The following ZCCHC7 variants were observed in gnomAD, a reference collection of about 807,000 sequenced individuals.
ZCCHC7 encodes zinc finger CCHC-type containing 7, also known as zinc finger CCHC domain-containing protein 7.
Under a neutral mutation model 52.0 loss-of-function variants are expected in ZCCHC7, and 35 were observed. That is an observed-to-expected ratio of 0.67 (90% CI 0.51 to 0.89). The LOEUF (loss-of-function observed/expected upper bound fraction) is 0.89. Among genes scored for constraint, ZCCHC7 ranks in the 40% least tolerant of loss-of-function variants. The pLI is 0.00. For missense variants in ZCCHC7, 574 were observed against 649.1 expected, an observed-to-expected ratio of 0.88 and a Z score of 1.26; for synonymous variants, 217 against 221.5, an observed-to-expected ratio of 0.98 and a Z score of 0.18.
At position 37,302,377 on chromosome 9, in the gene ZCCHC7, A is replaced by G. The variant is rs74529551; in HGVS notation, c.654+146A>G. 0.015 allele frequency: 9,495 copies of G among 649,078 alleles called. 632 individuals are homozygous for G. In the African/African-American group the frequency reaches 0.15, roughly 10 times the overall value. The allele number at this position is 649,078 out of a possible 1,614,324, so 40.2% of individuals were successfully genotyped here. On this transcript the variant is annotated intron_variant, in intron 3 of 8. Coordinates refer to ENST00000336755, the MANE Select transcript of ZCCHC7 (RefSeq NM_032226.3). Reference sequence around the variant, plus strand: ...ATATGAGTGATTTAACTCTTCAGAAACTTGGTTCAGCCTTGAGTTTTGTCA... The same window carrying G: ...ATATGAGTGATTTAACTCTTCAGAAGCTTGGTTCAGCCTTGAGTTTTGTCA...
chr9:37,227,128 T>A (rs6476620), intron 2 of ZCCHC7, among the ~76,000 whole-genome samples: 1 of 152,010 alleles, frequency 6.6e-6, no homozygotes, highest in Non-Finnish European at 1.5e-5. Flanking sequence ...AATATAAAAT[T>A]TGGACTTAAT....
At chr9:37,311,707 GGCCTT>G (rs1341284067) in intron 5 of ZCCHC7, among the ~76,000 whole-genome samples, 26 of 152,202 alleles carry the variant, frequency 1.7e-4, no homozygotes, top group African/African-American at 6.3e-4. Context: ...TACTGCGCCC[GGCCTT>G]TTTACTTTTT....
chr9:37,339,449 C>T (rs996332512), intron 6 of ZCCHC7, among the ~76,000 whole-genome samples: 3 of 152,168 alleles, frequency 2.0e-5, no homozygotes, highest in African/African-American at 7.2e-5. Flanking sequence ...CTCACAGCCT[C>T]TGCTTTGGTT....
chr9:37,290,232 T>C (rs1047207580), intron 2 of ZCCHC7, among the ~76,000 whole-genome samples: 5 of 152,248 alleles, frequency 3.3e-5, no homozygotes, highest in African/African-American at 1.2e-4. Flanking sequence ...TAATATTTGT[T>C]GAATAATAAA....
chr9:37,124,510 A>G (rs1438761918), intron 1 of ZCCHC7, among the ~76,000 whole-genome samples: 1 of 152,018 alleles, frequency 6.6e-6, no homozygotes, highest in Admixed American at 6.6e-5. Context: ...TTGGTGATTC[A>G]TTGTTTAGCA....
chr9:37,305,807 A>G (rs1829275063), intron 5 of ZCCHC7, 93 bp downstream of exon 5: 3 of 1,327,556 alleles, frequency 2.3e-6, no homozygotes, highest in Non-Finnish European at 3.1e-6. Context: ...CAGTCAGCAT[A>G]CCTAAAGGAA....
In ZCCHC7 at chr9:37,357,691, T is replaced by TA. The variant is rs1491395544; in HGVS notation, c.*424dup. The TA allele has an allele frequency of 2.7e-5, 4 of 148,728 alleles. No homozygotes were observed. The highest frequency in any genetic ancestry group is 9.9e-5 in the African/African-American group (4 of 40,402). The allele number at this position is 148,728 out of a possible 1,614,324, so 9.2% of individuals were successfully genotyped here. A position where few individuals can be genotyped will look rare whatever the true frequency, so the allele number is the denominator to read the frequency against. On this transcript the variant is annotated 3_prime_UTR_variant, in exon 9 of 9. Coordinates refer to ENST00000336755, the MANE Select transcript of ZCCHC7 (RefSeq NM_032226.3). ...TTTCAACTTTTTTTTTTTTTTTTTT[T>TA]ACTTTGGAAAGGACAATAACTATAA...
In ZCCHC7 at chr9:37,357,201, A is replaced by G; in HGVS notation, c.1565A>G (p.Glu522Gly). ...EGKRGKQKKK[E>G]RCWEDDDNDN... Reference sequence around the variant, plus strand: ...AAGAGGGGCAAGCAGAAGAAAAAGGAGAGGTGCTGGGAAGATGATGACAAT... The same window carrying G: ...AAGAGGGGCAAGCAGAAGAAAAAGGGGAGGTGCTGGGAAGATGATGACAAT... Residue 522 changes from glutamate (E) to glycine (G), a missense_variant, in exon 9 of 9, where the codon GAG (glutamate) becomes GGG (glycine). By Grantham distance (98) the Glu-to-Gly change is moderately conservative. Around this residue, in one of 3 missense-constraint regions of ZCCHC7, gnomAD observed 168 missense variants for 171.6 expected, o/e 0.98. Coordinates refer to ENST00000336755, the MANE Select transcript of ZCCHC7 (RefSeq NM_032226.3). The G allele has an allele frequency of 6.2e-7, 1 of 1,613,522 alleles. No homozygotes were observed. The highest frequency in any genetic ancestry group is 8.5e-7 in the Non-Finnish European group (1 of 1,179,896).
At chr9:37,127,711 A>C (rs75501767) in intron 2 of ZCCHC7, among the ~76,000 whole-genome samples, 7,712 of 152,224 alleles carry the variant, frequency 0.051, 641 homozygotes, top group African/African-American at 0.17. Flanking sequence ...TGGTATTGAA[A>C]TGCTCTTTTA....
At chr9:37,319,020 T>C (rs1310707888) in intron 5 of ZCCHC7, among the ~76,000 whole-genome samples, 3 of 152,070 alleles carry the variant, frequency 2.0e-5, no homozygotes, top group Non-Finnish European at 4.4e-5. Flanking sequence ...TGTTTTATCA[T>C]TTTTTGCTTT....
At chr9:37,223,312 T>C (rs945785674) in intron 2 of ZCCHC7, among the ~76,000 whole-genome samples, 7 of 152,184 alleles carry the variant, frequency 4.6e-5, no homozygotes, top group African/African-American at 1.4e-4. Context: ...ACTCAGCCAT[T>C]AAATGTAATG....
intron 2 of ZCCHC7, among the ~76,000 whole-genome samples, chr9:37,156,015 A>T (rs1260999004): frequency 1.3e-5 from 2 of 152,244 alleles, no homozygotes; most frequent in African/African-American, 4.8e-5. Context: ...TCCTATGCTT[A>T]CACTCTCCTT....
At chr9:37,305,303 A>G (rs111571434) in intron 4 of ZCCHC7, among the ~76,000 whole-genome samples, 15 of 152,278 alleles carry the variant, frequency 9.9e-5, no homozygotes, top group African/African-American at 3.6e-4. Flanking sequence ...CAATATTCCT[A>G]TAAGAAGAGG....
At chr9:37,253,370 C>CAATGCA (rs1414750663) in intron 2 of ZCCHC7, among the ~76,000 whole-genome samples, 1 of 151,776 alleles carries the variant, frequency 6.6e-6, no homozygotes, top group Non-Finnish European at 1.5e-5. Context: ...ATTGTAGTGT[C>CAATGCA]AATGCAAATT....
At chr9:37,345,212 T>A (rs948274100) in intron 6 of ZCCHC7, among the ~76,000 whole-genome samples, 1 of 152,238 alleles carries the variant, frequency 6.6e-6, no homozygotes, top group Non-Finnish European at 1.5e-5. Context: ...CCTTGAAACA[T>A]CCATTCTGCC....
At chr9:37,179,437 G>A (rs889051162) in intron 2 of ZCCHC7, among the ~76,000 whole-genome samples, 32 of 152,156 alleles carry the variant, frequency 2.1e-4, no homozygotes, top group African/African-American at 7.0e-4. Context: ...TTAGTTAAGT[G>A]AAGCAGATTT....
At chr9:37,288,697 A>G (rs1828382439) in intron 2 of ZCCHC7, among the ~76,000 whole-genome samples, 1 of 152,104 alleles carries the variant, frequency 6.6e-6, no homozygotes, top group Non-Finnish European at 1.5e-5. Flanking sequence ...TACCTGCCCT[A>G]TTGGTGGCAT....
At chr9:37,247,098 C>T (rs138850495) in intron 2 of ZCCHC7, among the ~76,000 whole-genome samples, 155 of 152,266 alleles carry the variant, frequency 1.0e-3, no homozygotes, top group African/African-American at 3.6e-3. Flanking sequence ...CTCCACCAAA[C>T]TCCTGGTAAC....
At chr9:37,259,055 T>C (rs546416432) in intron 2 of ZCCHC7, among the ~76,000 whole-genome samples, 1 of 152,064 alleles carries the variant, frequency 6.6e-6, no homozygotes, top group Non-Finnish European at 1.5e-5. Flanking sequence ...TTATAACATG[T>C]AGCAGAAAAA....
Sources: allele counts gnomAD v4.1 joint callset (sites outside exome capture counted in the v4.1 genomes callset), GRCh38; gene constraint gnomAD v4.1.1; regional missense constraint gnomAD v4.1.1; transcripts MANE v1.5; gene names NCBI Gene and HGNC (gene_info 2026-07-23, HGNC 2026-07-21).